The following PXDNL variants were observed in gnomAD, a reference collection of about 807,000 sequenced individuals.
PXDNL encodes the protein probable oxidoreductase PXDNL.
In PXDNL, 145 loss-of-function variants were observed where a neutral mutation model predicts 150.8. That is an observed-to-expected ratio of 0.96 (90% CI 0.84 to 1.10). The LOEUF is 1.10. PXDNL is among the 50% of genes least tolerant of loss of function. PXDNL has a pLI of 0.00. For synonymous variants in PXDNL, 757 were observed against 725.7 expected (o/e 1.04, Z -0.69); for missense variants, 2,087 against 1,873.9 (o/e 1.11, Z -2.10).
At chr8:51,655,895 C>A (rs1402567337) in intron 1 of PXDNL, among the ~76,000 whole-genome samples, 1 of 152,156 alleles carries the variant, frequency 6.6e-6, no homozygotes, top group Non-Finnish European at 1.5e-5. Context: ...ATGAAAGAAA[C>A]AAAGCCCTGG....
At chr8:51,659,534 A>G (rs1474675716) in intron 1 of PXDNL, among the ~76,000 whole-genome samples, 1 of 152,212 alleles carries the variant, frequency 6.6e-6, no homozygotes, top group Non-Finnish European at 1.5e-5. Flanking sequence ...AAGAAAAGGG[A>G]TGGACAGAGA....
intron 1 of PXDNL, among the ~76,000 whole-genome samples, chr8:51,803,258 A>AT (rs1410422392): frequency 6.6e-6 from 1 of 152,144 alleles, no homozygotes; most frequent in East Asian, 1.9e-4. Context: ...TTACTTGCTT[A>AT]TATCAATATC....
chr8:51,651,849 G>A (rs1191304211), intron 2 of PXDNL, among the ~76,000 whole-genome samples: 1 of 152,194 alleles, frequency 6.6e-6, no homozygotes, highest in Non-Finnish European at 1.5e-5. Context: ...AAGTCACAGA[G>A]CTCTGCCAGG....
intron 17 of PXDNL, among the ~76,000 whole-genome samples, chr8:51,395,041 C>T (rs1808037496): frequency 6.6e-6 from 1 of 152,172 alleles, no homozygotes; most frequent in African/African-American, 2.4e-5. Flanking sequence ...AAGGATGTGT[C>T]ATGGGTCTGT....
chr8:51,749,541 G>T (rs1228870384), intron 1 of PXDNL, among the ~76,000 whole-genome samples: 2 of 152,146 alleles, frequency 1.3e-5, no homozygotes. Flanking sequence ...AAAACGGTCC[G>T]CCTGCATAGG....
intron 1 of PXDNL, among the ~76,000 whole-genome samples, chr8:51,688,189 C>A (rs575224968): frequency 3.3e-5 from 5 of 151,982 alleles, no homozygotes; most frequent in Admixed American, 3.3e-4. Context: ...ATCAGTATGA[C>A]CAGAGGCAAT....
chr8:51,349,022 A>C (rs903521531), intron 19 of PXDNL, among the ~76,000 whole-genome samples: 23 of 152,212 alleles, frequency 1.5e-4, no homozygotes, highest in Admixed American at 1.3e-4. Context: ...GAAATGACTT[A>C]AATTTAGATC....
intron 3 of PXDNL, among the ~76,000 whole-genome samples, chr8:51,564,862 C>T (rs1315867019): frequency 6.6e-6 from 1 of 151,914 alleles, no homozygotes; most frequent in East Asian, 1.9e-4. Flanking sequence ...TTGTTATAAT[C>T]ACTTATTAGT....
intron 3 of PXDNL, among the ~76,000 whole-genome samples, chr8:51,569,698 C>T (rs56822696): frequency 6.6e-6 from 1 of 151,508 alleles, no homozygotes; most frequent in Non-Finnish European, 1.5e-5. Flanking sequence ...TCAAATCATT[C>T]AAATATTTTA....
At chr8:51,806,189 T>C (rs2037673679) in intron 1 of PXDNL, among the ~76,000 whole-genome samples, 1 of 152,210 alleles carries the variant, frequency 6.6e-6, no homozygotes, top group South Asian at 2.1e-4. Flanking sequence ...TTTTCTTATC[T>C]ATGATTTAGG....
chr8:51,387,358 G>A (rs779050763), intron 17 of PXDNL, among the ~76,000 whole-genome samples: 2 of 152,192 alleles, frequency 1.3e-5, no homozygotes, highest in Non-Finnish European at 2.9e-5. Context: ...GCATGCTCCA[G>A]TGAGGGGCTA....
At chr8:51,343,722 C>A (rs968889109) in intron 20 of PXDNL, among the ~76,000 whole-genome samples, 1 of 152,068 alleles carries the variant, frequency 6.6e-6, no homozygotes, top group Admixed American at 6.5e-5. Flanking sequence ...GGGACTGATC[C>A]CCATCACCAT....
chr8:51,724,759 G>A (rs1055038091), intron 1 of PXDNL, among the ~76,000 whole-genome samples: 2 of 152,098 alleles, frequency 1.3e-5, no homozygotes, highest in African/African-American at 2.4e-5. Flanking sequence ...AAAGCTCTCA[G>A]CTCCCTGTCC....
intron 19 of PXDNL, among the ~76,000 whole-genome samples, chr8:51,369,169 AC>A (rs1438666321): frequency 6.6e-6 from 1 of 152,112 alleles, no homozygotes; most frequent in African/African-American, 2.4e-5. Flanking sequence ...CCTTTAATAC[AC>A]CTTCTCTGTT....
chr8:51,498,056 A>C (rs1258702417), intron 5 of PXDNL, among the ~76,000 whole-genome samples: 1 of 152,120 alleles, frequency 6.6e-6, no homozygotes, highest in Non-Finnish European at 1.5e-5. Context: ...GATAGACTGG[A>C]TTAAGAAAAT....
At chr8:51,593,330 A>C (rs1261022937) in intron 2 of PXDNL, among the ~76,000 whole-genome samples, 1 of 152,200 alleles carries the variant, frequency 6.6e-6, no homozygotes, top group African/African-American at 2.4e-5. Context: ...CAGTAAAAGC[A>C]CCCTGGCAAA....
chr8:51,488,730 C>A (rs982601051), intron 5 of PXDNL, among the ~76,000 whole-genome samples: 4 of 152,078 alleles, frequency 2.6e-5, no homozygotes, highest in African/African-American at 9.7e-5. Context: ...ACTCACACTA[C>A]CAATTGAAAT....
intron 1 of PXDNL, among the ~76,000 whole-genome samples, chr8:51,670,825 C>G (rs994735246): frequency 1.3e-5 from 2 of 152,178 alleles, no homozygotes. Context: ...GTATTTGGCT[C>G]TGTACTAAGT....
chr8:51,422,485 T>C (rs1174951704), intron 14 of PXDNL, among the ~76,000 whole-genome samples: 1 of 152,198 alleles, frequency 6.6e-6, no homozygotes, highest in Admixed American at 6.5e-5. Flanking sequence ...TCTTTATAAA[T>C]ATGAGTTGAT....
Sources: allele counts gnomAD v4.1 joint callset (sites outside exome capture counted in the v4.1 genomes callset), GRCh38; gene constraint gnomAD v4.1.1; transcripts MANE v1.5; gene names NCBI Gene and HGNC (gene_info 2026-07-23, HGNC 2026-07-21).